Variants in AOAH observed in about 807,000 individuals in gnomAD.
The protein encoded by AOAH is acyloxyacyl hydrolase (neutrophil).
AOAH carries 64 observed loss-of-function variants against 92.2 expected under a neutral mutation model. The ratio of observed to expected loss-of-function variants is 0.69; its 90% CI spans 0.57 to 0.86. The LOEUF (loss-of-function observed/expected upper bound fraction) is 0.86. Ranked by LOEUF, AOAH falls within the 40% of genes least tolerant of loss-of-function variation. The pLI is 0.00. For missense variants in AOAH, 656 were observed against 694.6 expected, an observed-to-expected ratio of 0.94 and a Z score of 0.62; for synonymous variants, 263 against 254.5, an observed-to-expected ratio of 1.03 and a Z score of -0.32.
intron 5 of AOAH, 93 bp downstream of exon 5, chr7:36,637,758 G>T: frequency 8.8e-7 from 1 of 1,139,170 alleles, no homozygotes; most frequent in Non-Finnish European, 1.3e-6. Flanking sequence ...GCTTATATCC[G>T]GAGTAGTCCT....
intron 5 of AOAH, among the ~76,000 whole-genome samples, chr7:36,635,891 T>C (rs1793489102): frequency 6.6e-6 from 1 of 152,226 alleles, no homozygotes. Context: ...AATGATTCCA[T>C]AACTCAGGTG....
intron 4 of AOAH, among the ~76,000 whole-genome samples, chr7:36,654,530 T>G (rs1794767070): frequency 6.6e-6 from 1 of 152,174 alleles, no homozygotes. Context: ...CCTTTAACTT[T>G]TGGCCTCACT....
At chr7:36,521,993 C>G in intron 20 of AOAH, 46 bp downstream of exon 20, 1 of 1,521,864 alleles carries the variant, frequency 6.6e-7, no homozygotes, top group South Asian at 1.1e-5. Flanking sequence ...TAAAAACCAA[C>G]AAACCATCAA....
intron 1 of AOAH, among the ~76,000 whole-genome samples, chr7:36,699,630 A>ATTGTTTTTTTTT (rs1562709367): frequency 7.2e-6 from 1 of 139,836 alleles, no homozygotes; most frequent in African/African-American, 2.7e-5. Context: ...TTTAAATTGG[A>ATTGTTTTTTTTT]TTATTTGTTT....
At chr7:36,580,588 TC>T (rs991437753) in intron 12 of AOAH, among the ~76,000 whole-genome samples, 1 of 151,934 alleles carries the variant, frequency 6.6e-6, no homozygotes, top group African/African-American at 2.4e-5. Flanking sequence ...TTGCTTTTTT[TC>T]CCCTTTGTTT....
intron 15 of AOAH, among the ~76,000 whole-genome samples, chr7:36,543,094 C>T (rs1464946590): frequency 6.6e-6 from 1 of 152,072 alleles, no homozygotes; most frequent in East Asian, 1.9e-4. Context: ...AAAAAGATGT[C>T]TAATTTTACA....
intron 16 of AOAH, among the ~76,000 whole-genome samples, chr7:36,537,401 C>T (rs943608353): frequency 3.9e-5 from 6 of 152,070 alleles, no homozygotes; most frequent in Non-Finnish European, 2.9e-5. Context: ...AGTCTCTCAA[C>T]CTTGCATGAC....
intron 4 of AOAH, among the ~76,000 whole-genome samples, chr7:36,648,718 T>C (rs1247917666): frequency 6.6e-6 from 1 of 152,146 alleles, no homozygotes; most frequent in Non-Finnish European, 1.5e-5. Context: ...TAAATTTTTT[T>C]CAAATGTCTA....
intron 11 of AOAH, among the ~76,000 whole-genome samples, chr7:36,600,511 A>G (rs969055649): frequency 6.6e-6 from 1 of 152,170 alleles, no homozygotes; most frequent in African/African-American, 2.4e-5. Context: ...GTCTGGCCTG[A>G]CATATCCCGG....
intron 13 of AOAH, among the ~76,000 whole-genome samples, chr7:36,554,900 T>A (rs898071938): frequency 1.4e-5 from 2 of 147,772 alleles, no homozygotes; most frequent in Non-Finnish European, 3.0e-5. Flanking sequence ...ACAATGGGGT[T>A]TTCTAGATAT....
intron 10 of AOAH, among the ~76,000 whole-genome samples, chr7:36,618,025 T>C (rs1792021531): frequency 6.6e-6 from 1 of 152,236 alleles, no homozygotes; most frequent in Non-Finnish European, 1.5e-5. Context: ...CCATTGCTCT[T>C]TTATCCATTT....
At chr7:36,695,411 G>T (rs903305906) in intron 1 of AOAH, among the ~76,000 whole-genome samples, 1 of 152,076 alleles carries the variant, frequency 6.6e-6, no homozygotes, top group African/African-American at 2.4e-5. Context: ...AAAATTTCTA[G>T]AATACCATTT....
chr7:36,513,828 T>A (rs2115625809), intron 20 of AOAH, among the ~76,000 whole-genome samples: 1 of 152,306 alleles, frequency 6.6e-6, no homozygotes, highest in African/African-American at 2.4e-5. Flanking sequence ...ATGCCTTGAT[T>A]TTGGTTTGTG....
At chr7:36,620,683 A>G in intron 9 of AOAH, 98 bp downstream of exon 9, 1 of 1,180,382 alleles carries the variant, frequency 8.5e-7, no homozygotes, top group Non-Finnish European at 1.2e-6. Flanking sequence ...TTAGGCTGTC[A>G]TAGTCTTCCC....
intron 19 of AOAH, among the ~76,000 whole-genome samples, chr7:36,524,786 C>T (rs1004096017): frequency 6.6e-6 from 1 of 151,346 alleles, no homozygotes; most frequent in Non-Finnish European, 1.5e-5. Context: ...AGTTGGCAGT[C>T]GGCAACACGG....
At chr7:36,704,692 A>G (rs1302221832) in intron 1 of AOAH, among the ~76,000 whole-genome samples, 1 of 152,194 alleles carries the variant, frequency 6.6e-6, no homozygotes, top group Admixed American at 6.5e-5. Flanking sequence ...CACAACAAAA[A>G]AAGAAAATTT....
chr7:36,532,420 G>A, intron 16 of AOAH, 76 bp from the exon 17 acceptor site: 2 of 1,362,578 alleles, frequency 1.5e-6, no homozygotes, highest in Non-Finnish European at 2.1e-6. Flanking sequence ...GGGCTTCCCT[G>A]CCTCCCTTGC....
In AOAH at chr7:36,630,538, T is replaced by C. The variant is rs150189981; in HGVS notation, c.521+1498A>G. ...TAGAAGGCGAGCAATGGGGTGGACA[T>C]GGACACCCAGGAGTCTAAGTGTGGG... is the stretch of plus-strand genomic sequence containing the variant. On this transcript the variant is annotated intron_variant, in intron 6 of 20. Transcript: ENST00000617537. 7.3e-3 allele frequency among the ~76,000 whole-genome samples: 1,115 copies of C among 152,282 alleles called. 6 individuals are homozygous for C. The highest frequency in any genetic ancestry group is 7.3e-3 in the Admixed American group (112 of 15,294).
At chr7:36,544,118 T>C (rs1785626402) in intron 15 of AOAH, among the ~76,000 whole-genome samples, 1 of 151,916 alleles carries the variant, frequency 6.6e-6, no homozygotes, top group Non-Finnish European at 1.5e-5. Flanking sequence ...AGCTAATTTT[T>C]CTATTTTTGG....
Sources: allele counts gnomAD v4.1 joint callset (sites outside exome capture counted in the v4.1 genomes callset), GRCh38; gene constraint gnomAD v4.1.1; transcripts MANE v1.5; gene names NCBI Gene and HGNC (gene_info 2026-07-23, HGNC 2026-07-21).